IQANK1: variants seen among roughly 807,000 people sequenced by gnomAD.
IQANK1 encodes the protein IQ motif and ankyrin repeat containing 1.
IQANK1 carries 30 observed loss-of-function variants against 22.6 expected under a neutral mutation model. The ratio of observed to expected loss-of-function variants is 1.33; its 90% CI spans 0.99 to 1.80. The LOEUF (loss-of-function observed/expected upper bound fraction) is 1.80. Ranked by LOEUF, IQANK1 falls within the 40% of genes most tolerant of loss-of-function variation. The pLI, the probability that IQANK1 is intolerant of heterozygous loss-of-function variation, is 0.00. For missense variants in IQANK1, 275 were observed against 235.2 expected, an observed-to-expected ratio of 1.17 and a Z score of -1.11; for synonymous variants, 122 against 99.6, an observed-to-expected ratio of 1.23 and a Z score of -1.34.
At position 143,790,131 on chromosome 8, in the gene IQANK1, C is replaced by A; in HGVS notation, c.1290-6C>A. The stretch of plus-strand genomic sequence containing the variant: ...CAGACAGCAGTGACCTGATGGGTGT[C>A]CCCAGGTGGCCTCTTGTTATTGACC... On this transcript the variant is annotated splice_region_variant and splice_polypyrimidine_tract_variant and intron_variant, in intron 12 of 13. Transcript: ENST00000527139. The A allele has an allele frequency of 8.1e-7, 1 of 1,232,032 alleles. No individual in the cohort carries two copies. The highest frequency in any genetic ancestry group is 4.1e-5 in the South Asian group (1 of 24,316). The allele number at this position is 1,232,032 out of a possible 1,614,324, so 76.3% of individuals were successfully genotyped here.
At chr8:143,773,824 G>A (rs1390611833) in intron 7 of IQANK1, among the ~76,000 whole-genome samples, 5 of 152,192 alleles carry the variant, frequency 3.3e-5, no homozygotes, top group African/African-American at 4.8e-5. Context: ...CTGAGGATAC[G>A]GTGAGGCGTC....
At chr8:143,741,313 G>A (rs998588925) in intron 3 of IQANK1, among the ~76,000 whole-genome samples, 4 of 152,140 alleles carry the variant, frequency 2.6e-5, no homozygotes, top group Admixed American at 2.0e-4. Flanking sequence ...CTTGTCGAGG[G>A]AAACTCAAAC....
At chr8:143,739,742 G>A (rs900823866) in intron 2 of IQANK1, 117 bp from the exon 3 acceptor site, 22 of 578,146 alleles carry the variant, frequency 3.8e-5, no homozygotes, top group Non-Finnish European at 6.5e-5. Flanking sequence ...AGGCCCGGGT[G>A]GGGGGCTCCC....
At chr8:143,734,978 G>A (rs562292711) in intron 1 of IQANK1, among the ~76,000 whole-genome samples, 9 of 151,342 alleles carry the variant, frequency 5.9e-5, no homozygotes, top group African/African-American at 1.9e-4. Context: ...ACCACCCCTC[G>A]CCCCTGCCAC....
intron 3 of IQANK1, among the ~76,000 whole-genome samples, chr8:143,751,428 A>G (rs1274254882): frequency 2.6e-5 from 4 of 151,828 alleles, no homozygotes; most frequent in Non-Finnish European, 4.4e-5. Flanking sequence ...CCTGGCCAAT[A>G]TGGTGAAACC....
At chr8:143,741,104 G>T (rs1554626435) in intron 3 of IQANK1, among the ~76,000 whole-genome samples, 1 of 152,196 alleles carries the variant, frequency 6.6e-6, no homozygotes, top group Non-Finnish European at 1.5e-5. Flanking sequence ...TTTTCCAGGT[G>T]CAGGCTCCTG....
At chr8:143,750,964 G>GTT (rs1283571119) in intron 3 of IQANK1, among the ~76,000 whole-genome samples, 1 of 150,688 alleles carries the variant, frequency 6.6e-6, no homozygotes, top group Non-Finnish European at 1.5e-5. Flanking sequence ...GTGTGTGTGT[G>GTT]TGTTTTTTTG....
chr8:143,786,716 AGG>A (rs1819896030), intron 7 of IQANK1, among the ~76,000 whole-genome samples: 1 of 152,146 alleles, frequency 6.6e-6, no homozygotes. Flanking sequence ...CCAGGCTACC[AGG>A]GCGGGCAGGG....
In IQANK1 at chr8:143,790,417, G is replaced by C; in HGVS notation, c.1492G>C (p.Glu498Gln). 1.4e-6 allele frequency: 1 copy of C among 715,400 alleles called. No homozygotes were observed. Among genetic ancestry groups the C allele is most frequent in the Non-Finnish European group, 1.9e-6 (1 of 516,656 alleles). 44.3% of individuals were successfully genotyped at this position (715,400 alleles called of 1,614,324 possible). A position where few individuals can be genotyped will look rare whatever the true frequency, so the allele number is the denominator to read the frequency against. Residue 498 changes from glutamate (E) to glutamine (Q), a missense_variant, in exon 14 of 14, where the codon GAG (glutamate) becomes CAG (glutamine). Physicochemically the swap from Glu to Gln is conservative, Grantham distance 29. Coordinates refer to ENST00000527139, the MANE Select transcript of IQANK1 (RefSeq NM_001381874.1). ...DLFPVVQRQL[E>Q]AVQERYLSLL... ...GTTCCCAGTCGTGCAGCGGCAGCTGGAGGCGGTGCAGGAGAGGTACCTGTC... is the reference window on the plus strand; with the variant it reads ...GTTCCCAGTCGTGCAGCGGCAGCTGCAGGCGGTGCAGGAGAGGTACCTGTC...
At chr8:143,789,317 G>T in intron 9 of IQANK1, 74 bp downstream of exon 9, 1 of 453,938 alleles carries the variant, frequency 2.2e-6, no homozygotes, top group Non-Finnish European at 3.6e-6. Context: ...AGCCGAGGGA[G>T]GGCCAGGAAG....
intron 3 of IQANK1, among the ~76,000 whole-genome samples, chr8:143,757,753 A>G (rs1354253448): frequency 2.0e-5 from 3 of 152,060 alleles, no homozygotes; most frequent in African/African-American, 4.8e-5. Flanking sequence ...GGCTCAAGCA[A>G]TTCTCCCACC....
chr8:143,738,555 C>A (rs940335702), intron 2 of IQANK1, among the ~76,000 whole-genome samples: 4 of 152,196 alleles, frequency 2.6e-5, no homozygotes, highest in African/African-American at 9.6e-5. Context: ...CACGGCGGCA[C>A]GGGGCTTTAC....
chr8:143,754,560 G>A (rs1175716691), intron 3 of IQANK1, among the ~76,000 whole-genome samples: 2 of 152,140 alleles, frequency 1.3e-5, no homozygotes, highest in East Asian at 1.9e-4. Context: ...GCAACATGGC[G>A]CTGAATTCAT....
rs760682916 is a variant in IQANK1, at chr8:143,790,482, G to A, written c.1557G>A (p.Thr519=). 9.6e-6 allele frequency: 4 copies of A among 417,434 alleles called. No homozygotes were observed. The highest frequency in any genetic ancestry group is 3.6e-5 in the East Asian group (1 of 28,142). The allele number at this position is 417,434 out of a possible 1,614,324, so 25.9% of individuals were successfully genotyped here. ...RPTDGPEYSP[T]QFQEQRLEHF... The stretch of plus-strand genomic sequence containing the variant: ...CGGACGGGCCTGAGTATAGCCCCAC[G>A]CAGTTCCAGGAGCAGCGGCTGGAGC... The change falls in exon 14 of 14, where the codon ACG becomes ACA. Residue 519 remains threonine (T), a synonymous_variant. Coordinates refer to ENST00000527139, the MANE Select transcript of IQANK1 (RefSeq NM_001381874.1).
rs1281474691 is a variant in IQANK1, at chr8:143,790,147, G to A, written c.1300G>A (p.Val434Ile). ...GATGGGTGTCCCCAGGTGGCCTCTT[G>A]TTATTGACCCTTTGGGCCAGGCGGC... is the stretch of plus-strand genomic sequence containing the variant. ...RIRADGRWPL[V>I]IDPLGQAATF... Residue 434 changes from valine (V) to isoleucine (I), a missense_variant, in exon 13 of 14, where the codon GTT becomes ATT. Transcript: ENST00000527139. 2 of 1,231,794 alleles carry A rather than the reference G, an allele frequency of 1.6e-6. No homozygotes were observed. Among genetic ancestry groups the A allele is most frequent in the South Asian group, 4.1e-5 (1 of 24,324 alleles). 76.3% of individuals were successfully genotyped at this position (1,231,794 alleles called of 1,614,324 possible).
At chr8:143,736,870 A>T (rs1285410829) in intron 2 of IQANK1, among the ~76,000 whole-genome samples, 1 of 151,228 alleles carries the variant, frequency 6.6e-6, no homozygotes, top group Non-Finnish European at 1.5e-5. Context: ...CTGTGAACAC[A>T]TTCCAGGTTG....
At chr8:143,782,720 C>T (rs1189470878) in intron 7 of IQANK1, among the ~76,000 whole-genome samples, 1 of 152,194 alleles carries the variant, frequency 6.6e-6, no homozygotes, top group Admixed American at 6.5e-5. Flanking sequence ...CAGGCATCTG[C>T]CCACCTCGGT....
chr8:143,743,750 G>A, intron 3 of IQANK1: 1 of 338,656 alleles, frequency 3.0e-6, no homozygotes, highest in Non-Finnish European at 5.8e-6. Flanking sequence ...TTTGTTGTGT[G>A]AATAATTATG....
chr8:143,759,135 G>A, intron 3 of IQANK1: 1 of 301,840 alleles, frequency 3.3e-6, no homozygotes, highest in Non-Finnish European at 6.5e-6. Context: ...ACACCACGAT[G>A]CTCCAGGAGA....
Sources: gnomAD v4.1 joint callset for allele counts (sites outside exome capture counted in the v4.1 genomes callset) on GRCh38, gnomAD v4.1.1 for gene constraint, MANE v1.5 for transcripts, NCBI Gene and HGNC (gene_info 2026-07-23, HGNC 2026-07-21) for gene names.